The following LAMA2 variants were observed in gnomAD, a reference collection of about 807,000 sequenced individuals.
LAMA2 encodes the protein laminin subunit alpha 2.
Under a neutral mutation model 364.8 loss-of-function variants are expected in LAMA2, and 269 were observed. The observed-to-expected ratio is 0.74, with a 90% CI of 0.67 to 0.82. The LOEUF (loss-of-function observed/expected upper bound fraction) is 0.82. Ranked by LOEUF, LAMA2 falls within the 40% of genes least tolerant of loss-of-function variation. The pLI, the probability that LAMA2 is intolerant of heterozygous loss-of-function variation, is 0.00. For synonymous variants in LAMA2, 1,379 were observed against 1,370.6 expected (o/e 1.01, Z -0.14); for missense variants, 3,807 against 3,873.2 (o/e 0.98, Z 0.45).
At chr6:129,429,282 A>T (rs150112768) in intron 41 of LAMA2, among the ~76,000 whole-genome samples, 1 of 152,202 alleles carries the variant, frequency 6.6e-6, no homozygotes, top group African/African-American at 2.4e-5. Flanking sequence ...TTATTGATGC[A>T]TAACAGATGT....
At chr6:128,959,203 CCCTT>C (rs1435050221) in intron 1 of LAMA2, among the ~76,000 whole-genome samples, 4 of 152,054 alleles carry the variant, frequency 2.6e-5, no homozygotes, top group Non-Finnish European at 4.4e-5. Flanking sequence ...TTATTAAACT[CCCTT>C]CAGTATGTTT....
chr6:128,894,786 G>A (rs1776662048), intron 1 of LAMA2, among the ~76,000 whole-genome samples: 1 of 152,188 alleles, frequency 6.6e-6, no homozygotes, highest in Non-Finnish European at 1.5e-5. Context: ...GCATGGTTTA[G>A]TACCCCTGCC....
At chr6:128,914,513 G>A (rs1235832671) in intron 1 of LAMA2, among the ~76,000 whole-genome samples, 1 of 152,128 alleles carries the variant, frequency 6.6e-6, no homozygotes, top group East Asian at 1.9e-4. Flanking sequence ...TAGCTCCCGG[G>A]CCCAGTACAT....
chr6:129,218,350 G>A (rs1469327710), intron 12 of LAMA2, among the ~76,000 whole-genome samples: 3 of 152,030 alleles, frequency 2.0e-5, no homozygotes, highest in East Asian at 1.9e-4. Context: ...ATTCAAAAAT[G>A]TTTACAGTAT....
At chr6:129,325,591 A>ACT (rs906336324) in intron 28 of LAMA2, among the ~76,000 whole-genome samples, 11 of 151,294 alleles carry the variant, frequency 7.3e-5, no homozygotes, top group African/African-American at 2.4e-4. Flanking sequence ...GTTGTCAAAT[A>ACT]CTCTCTCTCT....
At chr6:129,488,145 TA>T (rs1784687638) in intron 56 of LAMA2, among the ~76,000 whole-genome samples, 2 of 152,072 alleles carry the variant, frequency 1.3e-5, no homozygotes, top group African/African-American at 2.4e-5. Flanking sequence ...CCGTCTCTAC[TA>T]AAAATGCAAA....
intron 1 of LAMA2, among the ~76,000 whole-genome samples, chr6:128,974,344 G>A (rs139108616): frequency 3.3e-5 from 5 of 152,194 alleles, no homozygotes; most frequent in East Asian, 1.9e-4. Context: ...TCCATGACTC[G>A]TGAGAAAAAT....
At chr6:128,988,728 A>G (rs1783425282) in intron 1 of LAMA2, among the ~76,000 whole-genome samples, 1 of 152,214 alleles carries the variant, frequency 6.6e-6, no homozygotes, top group African/African-American at 2.4e-5. Flanking sequence ...TCTGGGCTTG[A>G]TGAAGATTGA....
At chr6:129,369,861 A>G in intron 33 of LAMA2, 31 bp from the exon 34 acceptor site, 1 of 1,587,176 alleles carries the variant, frequency 6.3e-7, no homozygotes, top group East Asian at 2.2e-5. Context: ...GCCATTTACT[A>G]AAAATGTTTA....
intron 4 of LAMA2, among the ~76,000 whole-genome samples, chr6:129,137,705 G>A (rs778250160): frequency 2.0e-5 from 3 of 152,098 alleles, no homozygotes; most frequent in African/African-American, 4.8e-5. Flanking sequence ...TGAGGAAAGA[G>A]CTAATTCATT....
At chr6:129,292,251 C>A (rs564846454) in intron 20 of LAMA2, among the ~76,000 whole-genome samples, 1 of 152,104 alleles carries the variant, frequency 6.6e-6, no homozygotes, top group Non-Finnish European at 1.5e-5. Flanking sequence ...GAGGCTGAGG[C>A]GGGAGAATCG....
rs1468946863 is a variant in LAMA2, at chr6:129,454,156, T to C, written c.6575T>C (p.Ile2192Thr). Residue 2192 changes from isoleucine (I) to threonine (T), a missense_variant and splice_region_variant, in exon 47 of 65, where the codon ATT becomes ACT. Transcript: ENST00000421865. Reference protein sequence around the residue: ...LLFYLGSAKFIDFLAIEMRKG... With the variant: ...LLFYLGSAKFTDFLAIEMRKG... ...TGTTTTTGTATTTCTCTGAACTAGA[T>C]TGACTTTCTGGCTATAGAAATGCGT... 1 of 1,612,138 alleles carries C rather than the reference T, an allele frequency of 6.2e-7. No homozygotes were observed. Among genetic ancestry groups the C allele is most frequent in the Non-Finnish European group, 8.5e-7 (1 of 1,178,418 alleles).
chr6:128,976,361 T>C (rs576851239), intron 1 of LAMA2, among the ~76,000 whole-genome samples: 9 of 152,306 alleles, frequency 5.9e-5, no homozygotes, highest in African/African-American at 2.2e-4. Flanking sequence ...CAGTTGAGTA[T>C]TTAGAGTCAA....
intron 1 of LAMA2, among the ~76,000 whole-genome samples, chr6:128,931,861 G>A (rs1779503713): frequency 6.6e-6 from 1 of 151,922 alleles, no homozygotes; most frequent in Non-Finnish European, 1.5e-5. Context: ...ACTTTCCACG[G>A]GGACTGTTAT....
chr6:129,128,803 G>T (rs1219417557), intron 4 of LAMA2, among the ~76,000 whole-genome samples: 2 of 152,042 alleles, frequency 1.3e-5, no homozygotes, highest in Non-Finnish European at 2.9e-5. Flanking sequence ...TTTCATAGAT[G>T]GCATTGATAC....
chr6:129,403,574 CT>C (rs1780090856), intron 39 of LAMA2, among the ~76,000 whole-genome samples: 1 of 152,148 alleles, frequency 6.6e-6, no homozygotes, highest in South Asian at 2.1e-4. Flanking sequence ...GTTGCAGAGA[CT>C]TTTGGAGGAT....
intron 1 of LAMA2, among the ~76,000 whole-genome samples, chr6:128,918,673 T>C (rs1215357956): frequency 1.3e-5 from 2 of 152,188 alleles, no homozygotes; most frequent in South Asian, 4.1e-4. Context: ...ATTCACAGCA[T>C]TGTGCAAAAA....
intron 13 of LAMA2, 135 bp from the exon 14 acceptor site, chr6:129,251,949 T>C (rs1583344179): frequency 1.5e-6 from 1 of 646,062 alleles, no homozygotes; most frequent in East Asian, 2.8e-5. Context: ...AAAAAATAAA[T>C]AAATAAAAAA....
intron 1 of LAMA2, among the ~76,000 whole-genome samples, chr6:128,936,271 G>A (rs1168240846): frequency 1.3e-5 from 2 of 152,114 alleles, no homozygotes; most frequent in Admixed American, 1.3e-4. Flanking sequence ...TCTCAGAAAA[G>A]CTTTCAACTT....
Sources: allele counts gnomAD v4.1 joint callset (sites outside exome capture counted in the v4.1 genomes callset), GRCh38; gene constraint gnomAD v4.1.1; transcripts MANE v1.5; gene names NCBI Gene and HGNC (gene_info 2026-07-23, HGNC 2026-07-21).